Variants in SPAG17 observed in about 807,000 individuals in gnomAD.
SPAG17 encodes the protein sperm associated antigen 17, also known as sperm-associated antigen 17.
In SPAG17, 169 loss-of-function variants were observed where a neutral mutation model predicts 273.6. The ratio of observed to expected loss-of-function variants is 0.62; its 90% confidence interval spans 0.55 to 0.70. The LOEUF is 0.70. SPAG17 is among the 30% of genes least tolerant of loss of function. SPAG17 has a pLI of 0.00. For synonymous variants in SPAG17, 825 were observed against 873.2 expected (o/e 0.94, Z 0.97); for missense variants, 2,557 against 2,627.8 (o/e 0.97, Z 0.59).
chr1:118,000,379 T>C (rs557012556), intron 32 of SPAG17, among the ~76,000 whole-genome samples: 4 of 152,348 alleles, frequency 2.6e-5, no homozygotes, highest in Admixed American at 2.0e-4. Flanking sequence ...GGTAGCTTGA[T>C]GGGGATGGCA....
Position 118,028,312 on chromosome 1 carries a change from C to A in SPAG17, c.3692G>T (p.Ser1231Ile), listed in dbSNP as rs775780022. ...TCCAATGAAAGTCAACAGGAGCCCA[C>A]TGGGGCAAGACACATTTAGGCTCTG... ...TFQSLNVSCP[S>I]GLLLTFIGQE... Residue 1231 changes from serine to isoleucine, a missense_variant, in exon 26 of 49, where the codon AGT becomes ATT. By Grantham distance (142) the Ser-to-Ile change is moderately radical. Transcript: ENST00000336338. 2.5e-6 allele frequency: 4 copies of A among 1,613,680 alleles called. No homozygotes were observed. The highest frequency in any genetic ancestry group is 1.3e-5 in the African/African-American group (1 of 75,034).
At chr1:118,113,104 T>C (rs1032778743) in intron 4 of SPAG17, among the ~76,000 whole-genome samples, 7 of 152,084 alleles carry the variant, frequency 4.6e-5, no homozygotes, top group Admixed American at 2.6e-4. Context: ...AAATACAATT[T>C]CAAAAATTAA....
intron 3 of SPAG17, among the ~76,000 whole-genome samples, chr1:118,143,522 G>A (rs911467175): frequency 1.8e-4 from 27 of 151,704 alleles, no homozygotes; most frequent in South Asian, 1.5e-3. Flanking sequence ...AACATAGCAC[G>A]CTCCTGTTCC....
At chr1:117,954,643 A>C in intron 48 of SPAG17, 2 of 1,610,462 alleles carry the variant, frequency 1.2e-6, no homozygotes, top group Non-Finnish European at 1.7e-6. Context: ...TAAAATGTCT[A>C]ACGGTTTTCC....
At position 117,957,178 on chromosome 1, in the gene SPAG17, G is replaced by T. The variant is rs138961341; in HGVS notation, c.*1-3129C>A. 20 of 1,611,354 alleles carry T rather than the reference G, an allele frequency of 1.2e-5. No homozygotes were observed. The African/African-American group carries it at 2.7e-4, about 22-fold the overall frequency. On this transcript the variant is annotated intron_variant, in intron 48 of 48. Coordinates refer to ENST00000336338, the MANE Select transcript of SPAG17 (RefSeq NM_206996.4). ...TCTGATGTTGAACTTATATGCCGGT[G>T]CCTCTTCTTCCTCCTTAGGTAACAT... is the stretch of plus-strand genomic sequence containing the variant.
chr1:118,029,392 T>C (rs1001898224), intron 25 of SPAG17, among the ~76,000 whole-genome samples: 48 of 152,104 alleles, frequency 3.2e-4, no homozygotes, highest in African/African-American at 1.1e-3. Context: ...TTTATAGCAG[T>C]CCAAACTAAT....
chr1:118,173,045 C>G (rs1338231695), intron 1 of SPAG17, among the ~76,000 whole-genome samples: 1 of 151,480 alleles, frequency 6.6e-6, no homozygotes, highest in Non-Finnish European at 1.5e-5. Context: ...AAAAGAAAAT[C>G]AGAATTTATT....
At chr1:118,109,270 G>A (rs186825880) in intron 4 of SPAG17, among the ~76,000 whole-genome samples, 29 of 151,124 alleles carry the variant, frequency 1.9e-4, no homozygotes, top group Admixed American at 1.1e-3. Context: ...TGTAGGCTGG[G>A]TGTGGTAGCT....
Position 118,101,730 on chromosome 1 carries a change from C to A in SPAG17, c.634+10G>T, listed in dbSNP as rs776131791. The A allele has an allele frequency of 1.2e-6, 2 of 1,607,342 alleles. No homozygotes were observed. The highest frequency in any genetic ancestry group is 1.7e-5 in the Admixed American group (1 of 58,650). On this transcript the variant is annotated intron_variant, in intron 5 of 48. Coordinates refer to ENST00000336338, the MANE Select transcript of SPAG17 (RefSeq NM_206996.4). The stretch of plus-strand genomic sequence containing the variant: ...GTGAAAGGCACCGCCGGCAGCAGCA[C>A]CTTACTGACCAATGTAACGATTGGT...
At chr1:118,133,335 AT>A (rs1370134150) in intron 3 of SPAG17, among the ~76,000 whole-genome samples, 1 of 152,048 alleles carries the variant, frequency 6.6e-6, no homozygotes, top group African/African-American at 2.4e-5. Flanking sequence ...GAGGAGGGCA[AT>A]CCCCCTTCTG....
rs532025410 is a variant in SPAG17, at chr1:118,166,691, A to G, written c.88-15322T>C. On this transcript the variant is annotated intron_variant, in intron 1 of 48. Coordinates refer to ENST00000336338, the MANE Select transcript of SPAG17 (RefSeq NM_206996.4). ...AAACCATTTTTCTTGGTAATCAATG[A>G]TATTGTTTGAGCTATTGCAGGTGCT... 3.3e-5 allele frequency among the ~76,000 whole-genome samples: 5 copies of G among 152,266 alleles called. No individual in the cohort carries two copies. The South Asian group carries it at 6.2e-4, about 19-fold the overall frequency.
intron 18 of SPAG17, among the ~76,000 whole-genome samples, chr1:118,062,622 G>T (rs1652459592): frequency 6.6e-6 from 1 of 151,836 alleles, no homozygotes; most frequent in Non-Finnish European, 1.5e-5. Context: ...TATGCATGAA[G>T]CCAAAAGCTG....
chr1:117,992,954 T>C (rs1000825313), intron 35 of SPAG17, among the ~76,000 whole-genome samples: 9 of 152,162 alleles, frequency 5.9e-5, no homozygotes, highest in African/African-American at 1.9e-4. Context: ...TTATGACAAA[T>C]GGATGTGGCT....
At chr1:118,011,421 G>A (rs923913627) in intron 30 of SPAG17, among the ~76,000 whole-genome samples, 2 of 152,124 alleles carry the variant, frequency 1.3e-5, no homozygotes, top group African/African-American at 4.8e-5. Flanking sequence ...ATCCTTTGCT[G>A]GAAAACGCAT....
rs1264236925 is a variant in SPAG17 at position 118,016,019 on chromosome 1, TA to T, written c.4232del (p.Ile1411LysfsTer4). 1 of 1,614,106 alleles carries T rather than the reference TA, an allele frequency of 6.2e-7. No individual in the cohort carries two copies. Among genetic ancestry groups the T allele is most frequent in the Non-Finnish European group, 8.5e-7 (1 of 1,179,978 alleles). ...AGGATAACAATGGGGTCAAGTCTGCTATTCTTTCTAATCCTTTGGTGCCGAT... is the reference window on the plus strand; with the variant it reads ...AGGATAACAATGGGGTCAAGTCTGCTTTCTTTCTAATCCTTTGGTGCCGAT... ...NRIGTKGLER[I>X]ADLTPLLSFQ... On this transcript the variant is annotated frameshift_variant, in exon 29 of 49. Transcript: ENST00000336338. LOFTEE classifies it high-confidence loss of function.
chr1:117,966,698 C>T lies in SPAG17; in HGVS notation c.6443G>A (p.Gly2148Glu). ...TGCTGATCCCTTGGCCCCATCCTCTCCAACAGCTGTGGCAAATAACTCTAT... is the reference window on the plus strand; with the variant it reads ...TGCTGATCCCTTGGCCCCATCCTCTTCAACAGCTGTGGCAAATAACTCTAT... ...LNIELFATAV[G>E]EDGAKGSAHI... is the part of the protein sequence containing the mutation. Residue 2148 changes from glycine (G) to glutamate (E), a missense_variant, in exon 47 of 49, where the codon GGA becomes GAA. Physicochemically the swap from Gly to Glu is moderately conservative, Grantham distance 98. Transcript: ENST00000336338. 5 of 1,614,062 alleles carry T rather than the reference C, an allele frequency of 3.1e-6. No homozygotes were observed. Among genetic ancestry groups the T allele is most frequent in the Non-Finnish European group, 4.2e-6 (5 of 1,179,974 alleles).
At chr1:118,170,181 T>A (rs1315682241) in intron 1 of SPAG17, among the ~76,000 whole-genome samples, 1 of 152,166 alleles carries the variant, frequency 6.6e-6, no homozygotes, top group Non-Finnish European at 1.5e-5. Context: ...GTGAATTAAT[T>A]CAGTATAGAG....
chr1:117,999,815 C>T (rs568033988), intron 32 of SPAG17, among the ~76,000 whole-genome samples: 5 of 152,272 alleles, frequency 3.3e-5, no homozygotes, highest in South Asian at 4.1e-4. Flanking sequence ...CGTACAGCAG[C>T]TCTTTAGTTT....
At chr1:118,110,635 T>G (rs1656702492) in intron 4 of SPAG17, among the ~76,000 whole-genome samples, 2 of 151,782 alleles carry the variant, frequency 1.3e-5, no homozygotes, top group South Asian at 4.1e-4. Context: ...GCTGGTTAGC[T>G]CAGGGCATTC....
Sources: gnomAD v4.1 joint callset for allele counts (sites outside exome capture counted in the v4.1 genomes callset) on GRCh38, gnomAD v4.1.1 for gene constraint, MANE v1.5 for transcripts, NCBI Gene and HGNC (gene_info 2026-07-23, HGNC 2026-07-21) for gene names.